The following KCTD21 variants were observed in gnomAD, a reference collection of about 807,000 sequenced individuals.
The protein encoded by KCTD21 is BTB/POZ domain-containing protein KCTD21.
A neutral mutation model predicts 13.2 loss-of-function variants in KCTD21; 9 were observed. The ratio of observed to expected loss-of-function variants is 0.68; its 90% CI spans 0.41 to 1.19. KCTD21 has a LOEUF of 1.19. Among genes scored for constraint, KCTD21 ranks in the 50% most tolerant of loss-of-function variants. The pLI, the probability that KCTD21 is intolerant of heterozygous loss-of-function variation, is 0.01. For synonymous variants in KCTD21, 142 were observed against 137.4 expected (o/e 1.03, Z -0.23); for missense variants, 303 against 336.5 (o/e 0.90, Z 0.78).
intron 1 of KCTD21, among the ~76,000 whole-genome samples, chr11:78,175,739 A>T (rs230660): frequency 0.55 from 83,480 of 151,870 alleles, 23,207 homozygotes; most frequent in Admixed American, 0.65. Flanking sequence ...AAATTTTTTT[A>T]AATTTTATTA....
chr11:78,173,221 C>T lies in KCTD21; in HGVS notation c.*551G>A. 1 of 155,370 alleles carries T rather than the reference C, an allele frequency of 6.4e-6. No individual in the cohort carries two copies. The highest frequency in any genetic ancestry group is 1.4e-5 in the Non-Finnish European group (1 of 70,078). The allele number at this position is 155,370 out of a possible 1,614,324, so 9.6% of individuals were successfully genotyped here. On this transcript the variant is annotated 3_prime_UTR_variant, in exon 2 of 2. Transcript: ENST00000340067. ...TCTGACCCCCAAGAGGGGACACTAA[C>T]AGAGCTCTGAGAATGCACAGCATTC... is the stretch of plus-strand genomic sequence containing the variant.
Position 78,188,598 on chromosome 11 carries a change from C to G in KCTD21, c.-55G>C. On this transcript the variant is annotated 5_prime_UTR_variant, in exon 1 of 2. Coordinates refer to ENST00000340067, the MANE Select transcript of KCTD21 (RefSeq NM_001029859.3). Reference sequence around the variant, plus strand: ...CTCCTGCCCTCGCTCTGCAGCCTCTCCCTCCGCGAGCGGCCAGCGCAGCTT... The same window carrying G: ...CTCCTGCCCTCGCTCTGCAGCCTCTGCCTCCGCGAGCGGCCAGCGCAGCTT... 3 of 985,568 alleles carry G rather than the reference C, an allele frequency of 3.0e-6. No individual in the cohort carries two copies. Among genetic ancestry groups the G allele is most frequent in the South Asian group, 4.7e-5 (1 of 21,298 alleles). 61.1% of individuals were successfully genotyped at this position (985,568 alleles called of 1,614,324 possible).
chr11:78,184,022 T>A (rs1862703171), intron 1 of KCTD21, among the ~76,000 whole-genome samples: 2 of 152,210 alleles, frequency 1.3e-5, no homozygotes, highest in African/African-American at 2.4e-5. Flanking sequence ...ACCCTCAGTG[T>A]TGTAATTCAA....
chr11:78,173,726 C>G lies in KCTD21; in HGVS notation c.*46G>C. ...GAGATGCCCTCCAAGACCTGGCTGA[C>G]ATGAGCTTCCTGGGACTCCCCATCT... On this transcript the variant is annotated 3_prime_UTR_variant, in exon 2 of 2. Coordinates refer to ENST00000340067, the MANE Select transcript of KCTD21 (RefSeq NM_001029859.3). The G allele has an allele frequency of 1.0e-5, 16 of 1,534,878 alleles. No homozygotes were observed. Among genetic ancestry groups the G allele is most frequent in the Non-Finnish European group, 1.4e-5 (16 of 1,127,722 alleles).
intron 1 of KCTD21, chr11:78,188,114 GC>G: frequency 1.0e-6 from 1 of 985,374 alleles, no homozygotes; most frequent in Non-Finnish European, 1.2e-6. Context: ...GCTCTCCAGA[GC>G]GGGGCAAGTT....
In KCTD21 at chr11:78,174,284, G is replaced by A; in HGVS notation, c.271C>T (p.Pro91Ser). Residue 91 changes from proline (P) to serine (S), a missense_variant, in exon 2 of 2, where the codon CCC becomes TCC. Transcript: ENST00000340067. ...RREADFYQVQ[P>S]LIEALQEKEV... is the part of the protein sequence containing the mutation. Reference sequence around the variant, plus strand: ...TTCTCCTGCAGGGCCTCAATCAGGGGCTGCACCTGGTAGAAGTCGGCCTCC... The same window carrying A: ...TTCTCCTGCAGGGCCTCAATCAGGGACTGCACCTGGTAGAAGTCGGCCTCC... 7.4e-6 allele frequency: 12 copies of A among 1,614,094 alleles called. No individual in the cohort carries two copies. Among genetic ancestry groups the A allele is most frequent in the Non-Finnish European group, 1.0e-5 (12 of 1,180,028 alleles).
At chr11:78,176,080 G>A (rs1323664061) in intron 1 of KCTD21, among the ~76,000 whole-genome samples, 1 of 152,064 alleles carries the variant, frequency 6.6e-6, no homozygotes, top group African/African-American at 2.4e-5. Flanking sequence ...ATTTTTTATG[G>A]CTGCATAGTA....
rs2850312 is a variant in KCTD21 at position 78,174,369 on chromosome 11, G to T, written c.186C>A (p.Phe62Leu). Residue 62 changes from phenylalanine to leucine, a missense_variant, in exon 2 of 2, where the codon TTC becomes TTA. Phe to Leu is a conservative substitution (Grantham distance 22). Transcript: ENST00000340067. The part of the protein sequence containing the change: ...DGKVFRYILN[F>L]LRTSHLDLPE... ...GCAGGTCAAGGTGGGAGGTCCGCAG[G>T]AAGTTGAGGATATAGCGGAACACTT... 1.9e-6 allele frequency: 3 copies of T among 1,614,018 alleles called. No homozygotes were observed. Among genetic ancestry groups the T allele is most frequent in the South Asian group, 2.2e-5 (2 of 91,074 alleles).
intron 1 of KCTD21, among the ~76,000 whole-genome samples, chr11:78,183,737 G>A (rs907928260): frequency 2.7e-5 from 4 of 149,674 alleles, no homozygotes; most frequent in Non-Finnish European, 4.4e-5. Context: ...CAGGGTTCAC[G>A]CCATTCTCCT....
At chr11:78,176,526 G>A (rs1018630352) in intron 1 of KCTD21, among the ~76,000 whole-genome samples, 2 of 152,170 alleles carry the variant, frequency 1.3e-5, no homozygotes, top group African/African-American at 2.4e-5. Context: ...CCAACCTGTG[G>A]ACCAGATTCA....
At chr11:78,180,472 C>G (rs1486776986) in intron 1 of KCTD21, among the ~76,000 whole-genome samples, 1 of 152,136 alleles carries the variant, frequency 6.6e-6, no homozygotes, top group African/African-American at 2.4e-5. Context: ...AACAGCCTGG[C>G]CGACATGGTG....
intron 1 of KCTD21, among the ~76,000 whole-genome samples, chr11:78,186,370 T>A (rs1393073067): frequency 3.9e-5 from 1 of 25,772 alleles, no homozygotes; most frequent in Non-Finnish European, 6.9e-5. Flanking sequence ...AGACCCTGTC[T>A]CAAAAAAAAA....
At chr11:78,184,488 C>T (rs1565387327) in intron 1 of KCTD21, among the ~76,000 whole-genome samples, 1 of 152,094 alleles carries the variant, frequency 6.6e-6, no homozygotes, top group Non-Finnish European at 1.5e-5. Context: ...AGGCACACAC[C>T]ACCATGTCCG....
At chr11:78,186,849 A>G (rs934645656) in intron 1 of KCTD21, 1 of 985,328 alleles carries the variant, frequency 1.0e-6, no homozygotes, top group African/African-American at 1.7e-5. Flanking sequence ...CCCTTACCAC[A>G]GCCAACTTTA....
In KCTD21 at chr11:78,174,423, C is replaced by T; in HGVS notation, c.132G>A (p.Gln44=). 6.2e-7 allele frequency: 1 copy of T among 1,614,086 alleles called. No homozygotes were observed. The highest frequency in any genetic ancestry group is 8.5e-7 in the Non-Finnish European group (1 of 1,180,036). ...SGKMPTKRDS[Q]GNCFIDRDGK... The stretch of plus-strand genomic sequence containing the variant: ...CGTCACGGTCAATGAAGCAGTTGCC[C>T]TGGCTGTCCCTCTTGGTGGGCATCT... The change falls in exon 2 of 2, where the codon CAG becomes CAA. Residue 44 remains glutamine (Q), a synonymous_variant. Coordinates refer to ENST00000340067, the MANE Select transcript of KCTD21 (RefSeq NM_001029859.3).
intron 1 of KCTD21, among the ~76,000 whole-genome samples, chr11:78,184,033 G>A (rs1003052263): frequency 1.3e-5 from 2 of 152,210 alleles, no homozygotes; most frequent in Non-Finnish European, 2.9e-5. Context: ...TGTAATTCAA[G>A]CAAGGATCAT....
chr11:78,181,445 G>A (rs1862616801), intron 1 of KCTD21, among the ~76,000 whole-genome samples: 1 of 152,216 alleles, frequency 6.6e-6, no homozygotes, highest in Admixed American at 6.5e-5. Flanking sequence ...TAACGTTCTG[G>A]CAAAGGCAAA....
At position 78,174,241 on chromosome 11, in the gene KCTD21, T is replaced by C; in HGVS notation, c.314A>G (p.Lys105Arg). The change falls in exon 2 of 2, where the codon AAG becomes AGG. Residue 105 changes from lysine to arginine, a missense_variant. Transcript: ENST00000340067. ...GTTGAGCATGGCATTCTTCTCGGCC[T>C]TGGAGAGCTCCACTTCCTTCTCCTG... ...ALQEKEVELS[K>R]AEKNAMLNIT... is the part of the protein sequence containing the mutation. 3.1e-6 allele frequency: 5 copies of C among 1,614,044 alleles called. No homozygotes were observed. Among genetic ancestry groups the C allele is most frequent in the Non-Finnish European group, 4.2e-6 (5 of 1,180,024 alleles).
chr11:78,180,731 C>G (rs535356007), intron 1 of KCTD21, among the ~76,000 whole-genome samples: 2 of 152,330 alleles, frequency 1.3e-5, no homozygotes, highest in African/African-American at 4.8e-5. Context: ...TCATACACTG[C>G]TGACAAATGG....
Sources: allele counts gnomAD v4.1 joint callset (sites outside exome capture counted in the v4.1 genomes callset), GRCh38; gene constraint gnomAD v4.1.1; transcripts MANE v1.5; gene names NCBI Gene and HGNC (gene_info 2026-07-23, HGNC 2026-07-21).